PLOD1: variants seen among roughly 807,000 people sequenced by gnomAD.
PLOD1 encodes procollagen-lysine,2-oxoglutarate 5-dioxygenase 1.
PLOD1 carries 70 observed loss-of-function variants against 94.7 expected under a neutral mutation model. The observed-to-expected ratio is 0.74, with a 90% CI of 0.61 to 0.90. The LOEUF is 0.90. PLOD1 is among the 40% of genes least tolerant of loss of function. The pLI is 0.00. For missense variants in PLOD1, 905 were observed against 972.7 expected (o/e 0.93, Z 0.93); for synonymous variants, 417 against 400.2 (o/e 1.04, Z -0.50).
chr1:11,941,845 G>A (rs375825470), intron 1 of PLOD1, among the ~76,000 whole-genome samples: 14 of 152,010 alleles, frequency 9.2e-5, no homozygotes, highest in African/African-American at 3.4e-4. Context: ...ACCACTGCCT[G>A]GCTAATTTTT....
At chr1:11,973,075 T>C in intron 18 of PLOD1, 78 bp downstream of exon 18, 1 of 1,574,918 alleles carries the variant, frequency 6.3e-7, no homozygotes, top group Non-Finnish European at 8.7e-7. Flanking sequence ...TTCAGGGTGG[T>C]TGAGGCAGAG....
intron 2 of PLOD1, among the ~76,000 whole-genome samples, chr1:11,948,818 T>G (rs1645676110): frequency 6.6e-6 from 1 of 152,086 alleles, no homozygotes; most frequent in South Asian, 2.1e-4. Flanking sequence ...CTGTGTGCAG[T>G]CCATGGGGCT....
At chr1:11,939,259 C>T (rs891581728) in intron 1 of PLOD1, among the ~76,000 whole-genome samples, 1 of 152,118 alleles carries the variant, frequency 6.6e-6, no homozygotes, top group African/African-American at 2.4e-5. Flanking sequence ...GGGCAGCTGG[C>T]CCCGGGGAGG....
intron 13 of PLOD1, 41 bp downstream of exon 13, chr1:11,964,826 G>A (rs758725672): frequency 1.2e-6 from 2 of 1,609,304 alleles, no homozygotes; most frequent in South Asian, 1.1e-5. Flanking sequence ...CTCTGGATGG[G>A]GCAGGCGGGA....
chr1:11,958,090 C>T lies in PLOD1; in HGVS notation c.843+147C>T. 2 of 655,692 alleles carry T rather than the reference C, an allele frequency of 3.1e-6. No homozygotes were observed. Among genetic ancestry groups the T allele is most frequent in the Non-Finnish European group, 5.5e-6 (2 of 365,906 alleles). The allele number at this position is 655,692 out of a possible 1,614,324, so 40.6% of individuals were successfully genotyped here. ...CTGCCTGGGGTTCTATCCCGGTTGC[C>T]ACCCAAGTGCCTCCTCCTGGAAGCC... On this transcript the variant is annotated intron_variant, in intron 8 of 18. Transcript: ENST00000196061. The surrounding 1 kb of genome is among the most constrained non-coding windows in gnomAD (Gnocchi z 4.3).
chr1:11,941,807 A>G (rs1308096593), intron 1 of PLOD1, among the ~76,000 whole-genome samples: 1 of 151,946 alleles, frequency 6.6e-6, no homozygotes, highest in Non-Finnish European at 1.5e-5. Flanking sequence ...TACATGCACC[A>G]CCGTATAACT....
At chr1:11,961,028 G>C (rs1459013786) in intron 10 of PLOD1, among the ~76,000 whole-genome samples, 2 of 152,004 alleles carry the variant, frequency 1.3e-5, no homozygotes, top group East Asian at 3.9e-4. Context: ...AAGGACTGGG[G>C]GCAAAAGTAG....
In PLOD1 at chr1:11,972,900, G is replaced by A. The variant is rs767500051; in HGVS notation, c.1931G>A (p.Arg644His). 9 of 1,613,992 alleles carry A rather than the reference G, an allele frequency of 5.6e-6. No homozygotes were observed. The South Asian group carries it at 7.7e-5, about 14-fold the overall frequency. The change falls in exon 18 of 19, where the codon CGC becomes CAC. Residue 644 changes from arginine to histidine, a missense_variant. Coordinates refer to ENST00000196061, the MANE Select transcript of PLOD1 (RefSeq NM_000302.4). The surrounding 1 kb of genome is among the most constrained non-coding windows in gnomAD (Gnocchi z 4.6). ...CAGTTTGACCTGGCCTTTGTCGTCC[G>A]CTACAAGCCTGATGAGCAGCCCTCA... ...RAQFDLAFVV[R>H]YKPDEQPSLM...
At chr1:11,953,889 C>G (rs541829651) in intron 5 of PLOD1, among the ~76,000 whole-genome samples, 1 of 151,850 alleles carries the variant, frequency 6.6e-6, no homozygotes, top group East Asian at 2.0e-4. Context: ...TTATTTGAGA[C>G]AGGGTCTCAC....
chr1:11,974,572 G>T (rs1297183069), intron 18 of PLOD1, 81 bp from the exon 19 acceptor site: 11 of 1,406,112 alleles, frequency 7.8e-6, no homozygotes, highest in Non-Finnish European at 9.9e-6. Flanking sequence ...GGGCCACTTG[G>T]CCATGACAGG....
At chr1:11,939,286 C>G (rs919813562) in intron 1 of PLOD1, among the ~76,000 whole-genome samples, 1 of 151,988 alleles carries the variant, frequency 6.6e-6, no homozygotes, top group African/African-American at 2.4e-5. Flanking sequence ...TTGGCTCCCA[C>G]GTGCAGGGCA....
At position 11,974,777 on chromosome 1, in the gene PLOD1, G is replaced by T; in HGVS notation, c.2153G>T (p.Arg718Leu). The change falls in exon 19 of 19, where the codon CGC (arginine) becomes CTC (leucine). Residue 718 changes from arginine (R) to leucine (L), a missense_variant. Transcript: ENST00000196061. The part of the protein sequence containing the change: ...HEGLPTTRGT[R>L]YIAVSFVDP The stretch of plus-strand genomic sequence containing the variant: ...GGGCTCCCCACCACCAGGGGCACCC[G>T]CTACATCGCAGTCTCCTTCGTCGAT... 1 of 1,614,072 alleles carries T rather than the reference G, an allele frequency of 6.2e-7. No individual in the cohort carries two copies. Among genetic ancestry groups the T allele is most frequent in the African/African-American group, 1.3e-5 (1 of 75,030 alleles).
chr1:11,951,386 C>G (rs1422282820), intron 4 of PLOD1, among the ~76,000 whole-genome samples: 1 of 149,914 alleles, frequency 6.7e-6, no homozygotes, highest in East Asian at 2.0e-4. Context: ...GCCAACATGG[C>G]GAAACCCCAT....
rs553448166 is a variant in PLOD1 at position 11,955,494 on chromosome 1, T to A, written c.643+601T>A. ...GCTGATTTTGTGGATAAATGGGCCC[T>A]TTTGAGAATCTGATGAAAGCTACGG... is the stretch of plus-strand genomic sequence containing the variant. On this transcript the variant is annotated intron_variant, in intron 6 of 18. Transcript: ENST00000196061. Among the ~76,000 whole-genome samples the A allele has an allele frequency of 2.6e-5, 4 of 152,316 alleles. No individual in the cohort carries two copies. The East Asian group carries it at 7.7e-4, about 29-fold the overall frequency.
chr1:11,963,639 G>A lies in PLOD1; in HGVS notation c.1202+3G>A, dbSNP rs370358836. On this transcript the variant is annotated splice_donor_region_variant and intron_variant, in intron 11 of 18. Transcript: ENST00000196061. The surrounding 1 kb of genome is among the most constrained non-coding windows in gnomAD (Gnocchi z 4.3). The stretch of plus-strand genomic sequence containing the variant: ...CGGCTGCTGATCCAACAGAACAAGT[G>A]AGGCTGCTCCGTCTGCACCCAGCAC... The A allele has an allele frequency of 4.9e-5, 77 of 1,580,282 alleles. No individual in the cohort carries two copies. The highest frequency in any genetic ancestry group is 1.7e-4 in the Middle Eastern group (1 of 5,952).
chr1:11,938,467 C>G (rs1475941557), intron 1 of PLOD1, among the ~76,000 whole-genome samples: 2 of 152,260 alleles, frequency 1.3e-5, no homozygotes, highest in East Asian at 1.9e-4. Flanking sequence ...TCAGCTCCCC[C>G]AGACCCAGCT....
Position 11,975,115 on chromosome 1 carries a change from C to G in PLOD1, c.*307C>G. The G allele has an allele frequency of 4.4e-6, 2 of 449,920 alleles. No homozygotes were observed. Among genetic ancestry groups the G allele is most frequent in the Non-Finnish European group, 8.2e-6 (2 of 243,364 alleles). 27.9% of individuals were successfully genotyped at this position (449,920 alleles called of 1,614,324 possible). On this transcript the variant is annotated 3_prime_UTR_variant, in exon 19 of 19. Transcript: ENST00000196061. ...CCTGAAAAACCAAGGCCCCCTTCCC[C>G]CACCTCTTCCATGGGGTGAGACTTG...
intron 5 of PLOD1, among the ~76,000 whole-genome samples, chr1:11,954,040 T>C (rs1453192807): frequency 6.7e-6 from 1 of 148,216 alleles, no homozygotes; most frequent in African/African-American, 2.5e-5. Context: ...AATTTTAAGA[T>C]TTTTTTATAG....
Position 11,974,692 on chromosome 1 carries a change from C to T in PLOD1, c.2068C>T (p.Arg690Ter), listed in dbSNP as rs373094220. 5.6e-6 allele frequency: 9 copies of T among 1,613,820 alleles called. No homozygotes were observed. Among genetic ancestry groups the T allele is most frequent in the African/African-American group, 4.0e-5 (3 of 74,894 alleles). Residue 690 changes from arginine (R) to a stop codon, truncating the protein, a stop_gained, in exon 19 of 19, where the codon CGA becomes TGA. Transcript: ENST00000196061. LOFTEE classifies it high-confidence loss of function. The part of the protein sequence containing the change: ...CRFLRYNCSI[R>*]APRKGWTLMH... ...GTTCCTGCGCTACAACTGTTCCATC[C>T]GAGCCCCAAGGAAGGGCTGGACCCT...
Sources: gnomAD v4.1 joint callset for allele counts (sites outside exome capture counted in the v4.1 genomes callset) on GRCh38, gnomAD v4.1.1 for gene constraint, Gnocchi (gnomAD v3.1) non-coding constraint, MANE v1.5 for transcripts, NCBI Gene and HGNC (gene_info 2026-07-23, HGNC 2026-07-21) for gene names.